The following UBE2Q1 variants were observed in gnomAD, a reference collection of about 807,000 sequenced individuals.
The protein encoded by UBE2Q1 is ubiquitin-conjugating enzyme E2 Q1.
A neutral mutation model predicts 60.1 loss-of-function variants in UBE2Q1; 6 were observed. The ratio of observed to expected loss-of-function variants is 0.10; its 90% CI spans 0.05 to 0.20. UBE2Q1 has a LOEUF of 0.20. Ranked by LOEUF, UBE2Q1 falls within the 10% of genes least tolerant of loss-of-function variation. The pLI is 1.00. For synonymous variants in UBE2Q1, 226 were observed against 208.3 expected (o/e 1.09, Z -0.73); for missense variants, 262 against 525.8 (o/e 0.50, Z 4.91).
intron 12 of UBE2Q1, 92 bp from the exon 13 acceptor site, chr1:154,550,561 A>G: frequency 1.9e-6 from 3 of 1,592,774 alleles, no homozygotes; most frequent in Admixed American, 3.4e-5. Context: ...AGTGGCAGAG[A>G]TAAGAGGATA....
At chr1:154,557,668 AGAAG>A (rs895713177) in intron 1 of UBE2Q1, among the ~76,000 whole-genome samples, 7 of 152,202 alleles carry the variant, frequency 4.6e-5, no homozygotes, top group African/African-American at 1.7e-4. Flanking sequence ...TCCAAAGGAG[AGAAG>A]GAAGAGGAGT....
chr1:154,551,503 G>A lies in UBE2Q1; in HGVS notation c.1075-11C>T, dbSNP rs1198118995. The A allele has an allele frequency of 8.1e-6, 13 of 1,613,496 alleles. No homozygotes were observed. In the South Asian group the frequency reaches 1.3e-4, roughly 16 times the overall value. On this transcript the variant is annotated splice_polypyrimidine_tract_variant and intron_variant, in intron 10 of 12. Coordinates refer to ENST00000292211, the MANE Select transcript of UBE2Q1 (RefSeq NM_017582.7). ...GGCACTGCTCCAGCCCTGGGTGAAG[G>A]GAAGGACAAGGCAAGCAGGTCCAGA... is the stretch of plus-strand genomic sequence containing the variant.
chr1:154,554,753 TTCA>T lies in UBE2Q1; in HGVS notation c.567_569del (p.Asp189del). ...AGCCTACCTCAGGCATCTCCTCATC[TTCA>T]TCTTCTGAAGACACGTCTTCCTGTG... On this transcript the variant is annotated inframe_deletion, in exon 4 of 13. Coordinates refer to ENST00000292211, the MANE Select transcript of UBE2Q1 (RefSeq NM_017582.7). The T allele has an allele frequency of 6.2e-7, 1 of 1,613,584 alleles. No individual in the cohort carries two copies. Among genetic ancestry groups the T allele is most frequent in the Non-Finnish European group, 8.5e-7 (1 of 1,179,586 alleles).
intron 3 of UBE2Q1, 83 bp from the exon 4 acceptor site, chr1:154,554,868 C>T: frequency 6.7e-7 from 1 of 1,483,064 alleles, no homozygotes; most frequent in Non-Finnish European, 9.2e-7. Flanking sequence ...CCTGAGCCCC[C>T]AGGTCTGGAA....
Position 154,552,200 on chromosome 1 carries a change from C to G in UBE2Q1, c.876-17G>C. 1.9e-6 allele frequency: 3 copies of G among 1,614,166 alleles called. No homozygotes were observed. The highest frequency in any genetic ancestry group is 2.5e-6 in the Non-Finnish European group (3 of 1,180,024). The stretch of plus-strand genomic sequence containing the variant: ...TGGTCAACTCTAAGAAGCAACAAGC[C>G]TGGGCTCAGATGCCTGGTTCCACCT... On this transcript the variant is annotated splice_polypyrimidine_tract_variant and intron_variant, in intron 7 of 12. Coordinates refer to ENST00000292211, the MANE Select transcript of UBE2Q1 (RefSeq NM_017582.7).
intron 11 of UBE2Q1, 25 bp downstream of exon 11, chr1:154,551,372 C>T (rs760277726): frequency 6.2e-6 from 10 of 1,612,302 alleles, no homozygotes; most frequent in Non-Finnish European, 2.5e-6. Context: ...CCCAGCCCCA[C>T]CAGCCCCAGG....
At chr1:154,550,591 G>T in intron 12 of UBE2Q1, 122 bp from the exon 13 acceptor site, 1 of 1,540,982 alleles carries the variant, frequency 6.5e-7, no homozygotes, top group Non-Finnish European at 8.7e-7. Flanking sequence ...GCTATGCTGT[G>T]TGGGGAGAGG....
At chr1:154,551,617 A>G in intron 10 of UBE2Q1, 125 bp from the exon 11 acceptor site, 1 of 1,429,556 alleles carries the variant, frequency 7.0e-7, no homozygotes, top group Non-Finnish European at 9.8e-7. Context: ...CAGCACTGCC[A>G]CCACCTGTCT....
In UBE2Q1 at chr1:154,558,373, T is replaced by C; in HGVS notation, c.181A>G (p.Ile61Val). 1 of 1,545,310 alleles carries C rather than the reference T, an allele frequency of 6.5e-7. No individual in the cohort carries two copies. The stretch of plus-strand genomic sequence containing the variant: ...AGCTCGTCCAGGCAGGCGCTGGCAA[T>C]GCGGAAGCGCTCGTGGCCGCGGTGG... ...IFHRGHERFR[I>V]ASACLDELSC... Residue 61 changes from isoleucine to valine, a missense_variant, in exon 1 of 13, where the codon ATT (isoleucine) becomes GTT (valine). Ile to Val is a conservative substitution (Grantham distance 29). Coordinates refer to ENST00000292211, the MANE Select transcript of UBE2Q1 (RefSeq NM_017582.7).
At chr1:154,556,146 C>T (rs1011766947) in intron 1 of UBE2Q1, among the ~76,000 whole-genome samples, 182 bp from the exon 2 acceptor site, 8 of 139,044 alleles carry the variant, frequency 5.8e-5, no homozygotes, top group African/African-American at 2.1e-4. Context: ...AAATTCTAAA[C>T]TGGAAGAAAA....
At chr1:154,552,580 G>T in intron 6 of UBE2Q1, 116 bp from the exon 7 acceptor site, 2 of 1,454,446 alleles carry the variant, frequency 1.4e-6, no homozygotes, top group Non-Finnish European at 9.5e-7. Flanking sequence ...GTTCACCACA[G>T]ATGGACATGC....
chr1:154,554,853 A>G lies in UBE2Q1; in HGVS notation c.538-68T>C. Reference sequence around the variant, plus strand: ...CTTGCTAGAATGCAGCCTCCAACCTACTCCCCTGAGCCCCCAGGTCTGGAA... The same window carrying G: ...CTTGCTAGAATGCAGCCTCCAACCTGCTCCCCTGAGCCCCCAGGTCTGGAA... On this transcript the variant is annotated intron_variant, in intron 3 of 12. Coordinates refer to ENST00000292211, the MANE Select transcript of UBE2Q1 (RefSeq NM_017582.7). The G allele has an allele frequency of 3.2e-6, 5 of 1,542,092 alleles. No individual in the cohort carries two copies. The Middle Eastern group carries it at 5.9e-4, about 182-fold the overall frequency.
chr1:154,558,452 G>C lies in UBE2Q1; in HGVS notation c.102C>G (p.Gly34=), dbSNP rs1468567187. The C allele has an allele frequency of 1.2e-5, 18 of 1,454,870 alleles. No individual in the cohort carries two copies. The highest frequency in any genetic ancestry group is 1.6e-5 in the Non-Finnish European group (18 of 1,106,812). The allele number at this position is 1,454,870 out of a possible 1,614,324, so 90.1% of individuals were successfully genotyped here. ...GCCTCAGGCAGGGCCCCGGCCCCGG[G>C]CCCCCCCCTGGGCCGCCCCCGGCCC... ...APGAGGGPGG[G]PGPGPCLRRE... Residue 34 remains glycine (G), a synonymous_variant, in exon 1 of 13, where the codon GGC becomes GGG. Coordinates refer to ENST00000292211, the MANE Select transcript of UBE2Q1 (RefSeq NM_017582.7).
chr1:154,550,656 C>T (rs942854023), intron 12 of UBE2Q1, 187 bp from the exon 13 acceptor site: 1 of 985,122 alleles, frequency 1.0e-6, no homozygotes, highest in Admixed American at 6.2e-5. Flanking sequence ...GAATGATGTG[C>T]CCAACCTGAG....
chr1:154,555,009 C>A, intron 3 of UBE2Q1: 1 of 552,662 alleles, frequency 1.8e-6, no homozygotes, highest in African/African-American at 1.9e-5. Flanking sequence ...AAAAGAAAAG[C>A]AAAATGGCTG....
intron 2 of UBE2Q1, 54 bp from the exon 3 acceptor site, chr1:154,555,586 A>G (rs1400552275): frequency 2.6e-6 from 4 of 1,524,630 alleles, no homozygotes; most frequent in Non-Finnish European, 3.6e-6. Flanking sequence ...CGATCTGGAT[A>G]AGTGCATGGA....
intron 1 of UBE2Q1, 21 bp downstream of exon 1, chr1:154,558,206 C>A (rs746378343): frequency 3.3e-6 from 5 of 1,502,340 alleles, no homozygotes; most frequent in Admixed American, 2.2e-5. Context: ...CCCACAGAGG[C>A]GCACGCGAGG....
In UBE2Q1 at chr1:154,551,020, C is replaced by T; in HGVS notation, c.1171-16G>A. On this transcript the variant is annotated splice_polypyrimidine_tract_variant and intron_variant, in intron 11 of 12. Coordinates refer to ENST00000292211, the MANE Select transcript of UBE2Q1 (RefSeq NM_017582.7). ...TGTATTGAGACTGGGGAGAGGAAGC[C>T]ACCAGATCAGGCCATGGCTAGCTGT... 1 of 1,613,998 alleles carries T rather than the reference C, an allele frequency of 6.2e-7. No individual in the cohort carries two copies. Among genetic ancestry groups the T allele is most frequent in the Non-Finnish European group, 8.5e-7 (1 of 1,179,950 alleles).
chr1:154,557,823 T>C (rs966286847), intron 1 of UBE2Q1, among the ~76,000 whole-genome samples: 17 of 152,110 alleles, frequency 1.1e-4, no homozygotes, highest in African/African-American at 4.1e-4. Flanking sequence ...AAATGTGCAG[T>C]GAGTTTCAGG....
Sources: allele counts gnomAD v4.1 joint callset (sites outside exome capture counted in the v4.1 genomes callset), GRCh38; gene constraint gnomAD v4.1.1; transcripts MANE v1.5; gene names NCBI Gene and HGNC (gene_info 2026-07-23, HGNC 2026-07-21).